TNRC6B: variants seen among roughly 807,000 people sequenced by gnomAD.
The protein encoded by TNRC6B is trinucleotide repeat containing adaptor 6B.
A neutral mutation model predicts 203.6 loss-of-function variants in TNRC6B; 52 were observed. The observed-to-expected ratio is 0.26, with a 90% CI of 0.20 to 0.32. TNRC6B has a LOEUF of 0.32. TNRC6B is among the 10% of genes least tolerant of loss of function. TNRC6B has a pLI of 1.00. For missense variants in TNRC6B, 1,923 were observed against 2,286.2 expected, an observed-to-expected ratio of 0.84 and a Z score of 3.24; for synonymous variants, 838 against 845.7, an observed-to-expected ratio of 0.99 and a Z score of 0.16.
At chr22:40,180,363 C>T (rs1226272669) in intron 1 of TNRC6B, among the ~76,000 whole-genome samples, 1 of 152,108 alleles carries the variant, frequency 6.6e-6, no homozygotes, top group African/African-American at 2.4e-5. Context: ...ATATGAATGG[C>T]AGGTTAATTC....
At position 40,268,319 on chromosome 22, in the gene TNRC6B, C is replaced by T. The variant is rs557021672; in HGVS notation, c.2806+1283C>T. Among the ~76,000 whole-genome samples, 5 of 152,228 alleles carry T rather than the reference C, an allele frequency of 3.3e-5. No homozygotes were observed. In the East Asian group the frequency reaches 9.7e-4, roughly 29 times the overall value. Reference sequence around the variant, plus strand: ...CAGGGTGGTCTCAGACTCCTGACCTCAGGTGATCCACCCGCCTCAGTCTAC... The same window carrying T: ...CAGGGTGGTCTCAGACTCCTGACCTTAGGTGATCCACCCGCCTCAGTCTAC... On this transcript the variant is annotated intron_variant, in intron 5 of 22. Transcript: ENST00000454349.
At position 40,324,833 on chromosome 22, in the gene TNRC6B, T is replaced by C. The variant is rs1237832608; in HGVS notation, c.*1592T>C. ...TGACCTCTTCCCCCCACCTTGTAAT[T>C]TTGCTTTTTTAATTTCGGTATTTAA... is the stretch of plus-strand genomic sequence containing the variant. On this transcript the variant is annotated 3_prime_UTR_variant, in exon 23 of 23. Coordinates refer to ENST00000454349, the MANE Select transcript of TNRC6B (RefSeq NM_001162501.2). The C allele has an allele frequency of 6.6e-6, 1 of 152,638 alleles. No individual in the cohort carries two copies. The highest frequency in any genetic ancestry group is 1.9e-4 in the East Asian group (1 of 5,200). 9.5% of individuals were successfully genotyped at this position (152,638 alleles called of 1,614,324 possible). A position where few individuals can be genotyped will look rare whatever the true frequency, so the allele number is the denominator to read the frequency against.
At chr22:40,241,539 TG>T (rs2070028928) in intron 1 of TNRC6B, among the ~76,000 whole-genome samples, 1 of 152,358 alleles carries the variant, frequency 6.6e-6, no homozygotes, top group Non-Finnish European at 1.5e-5. Flanking sequence ...AGTTGTCTGA[TG>T]GTTCCTTTGA....
At position 40,200,046 on chromosome 22, in the gene TNRC6B, G is replaced by A. The variant is rs542169117; in HGVS notation, c.5+21906G>A. Among the ~76,000 whole-genome samples the A allele has an allele frequency of 1.3e-4, 20 of 151,912 alleles. No homozygotes were observed. In the South Asian group the frequency reaches 3.7e-3, roughly 28 times the overall value. On this transcript the variant is annotated intron_variant, in intron 1 of 22. Coordinates refer to ENST00000454349, the MANE Select transcript of TNRC6B (RefSeq NM_001162501.2). The stretch of plus-strand genomic sequence containing the variant: ...ACTCCTGACTTCAAGTGATCCGCCC[G>A]ACTCGGCCTCTCAAAGTGCTGGGTT...
intron 3 of TNRC6B, among the ~76,000 whole-genome samples, chr22:40,133,997 A>C (rs2068576312): frequency 7.3e-6 from 1 of 136,108 alleles, no homozygotes; most frequent in Non-Finnish European, 1.6e-5. Context: ...AAAAAAAAAA[A>C]CAGGTAATAT....
chr22:40,209,759 G>T (rs903859603), intron 1 of TNRC6B, among the ~76,000 whole-genome samples: 1 of 152,118 alleles, frequency 6.6e-6, no homozygotes, highest in African/African-American at 2.4e-5. Flanking sequence ...AGTGGCTCAC[G>T]CCTGTAATCC....
At chr22:40,237,330 T>C (rs1004315664) in intron 1 of TNRC6B, among the ~76,000 whole-genome samples, 3 of 152,172 alleles carry the variant, frequency 2.0e-5, no homozygotes, top group African/African-American at 7.2e-5. Flanking sequence ...CTGAAGGTGC[T>C]GTCTGGGTTG....
intron 20 of TNRC6B, 109 bp downstream of exon 20, chr22:40,315,616 G>T (rs17332320): frequency 0.21 from 261,863 of 1,250,338 alleles, 30,572 homozygotes; most frequent in Admixed American, 0.39. Flanking sequence ...AGTCATGGTT[G>T]TCTGCTTTTT....
chr22:40,228,354 C>T (rs368849130), intron 1 of TNRC6B, among the ~76,000 whole-genome samples: 25 of 151,462 alleles, frequency 1.7e-4, no homozygotes, highest in African/African-American at 4.6e-4. Context: ...CGCTTGAACC[C>T]GGGAGGCGGA....
chr22:40,197,378 G>A (rs949104547), intron 1 of TNRC6B, among the ~76,000 whole-genome samples: 10 of 151,780 alleles, frequency 6.6e-5, no homozygotes, highest in South Asian at 2.1e-4. Flanking sequence ...TCCACCTCCC[G>A]GGTTCAAGCG....
chr22:40,161,409 A>G (rs2068870352), intron 4 of TNRC6B, among the ~76,000 whole-genome samples: 4 of 152,202 alleles, frequency 2.6e-5, no homozygotes, highest in Admixed American at 2.0e-4. Context: ...TCAAGGTCAC[A>G]GAGCAGATTC....
At chr22:40,170,757 ATGTG>A (rs1300913450) in intron 4 of TNRC6B, among the ~76,000 whole-genome samples, 1 of 122,762 alleles carries the variant, frequency 8.1e-6, no homozygotes, top group African/African-American at 3.2e-5. Flanking sequence ...ATGTACATAT[ATGTG>A]TGTATATATA....
intron 3 of TNRC6B, among the ~76,000 whole-genome samples, chr22:40,132,122 C>T (rs1314572913): frequency 6.6e-6 from 1 of 151,950 alleles, no homozygotes; most frequent in Non-Finnish European, 1.5e-5. Context: ...CCGAGGCAGG[C>T]AGATGACTTG....
At position 40,326,506 on chromosome 22, in the gene TNRC6B, A is replaced by G. The variant is rs979788700; in HGVS notation, c.*3265A>G. 6.6e-6 allele frequency: 1 copy of G among 152,594 alleles called. No individual in the cohort carries two copies. The highest frequency in any genetic ancestry group is 2.4e-5 in the African/African-American group (1 of 41,448). The allele number at this position is 152,594 out of a possible 1,614,324, so 9.5% of individuals were successfully genotyped here. On this transcript the variant is annotated 3_prime_UTR_variant, in exon 23 of 23. Coordinates refer to ENST00000454349, the MANE Select transcript of TNRC6B (RefSeq NM_001162501.2). ...TTCTTTTGAAATTGTGTGTAGTTTA[A>G]TGGGAGAGTGTTTGGTGTATATAGA... is the stretch of plus-strand genomic sequence containing the variant.
chr22:40,146,262 T>C (rs1210696909), intron 3 of TNRC6B, among the ~76,000 whole-genome samples: 2 of 152,140 alleles, frequency 1.3e-5, no homozygotes, highest in South Asian at 2.1e-4. Flanking sequence ...GGTAGTGATA[T>C]GTGTGATGCT....
At chr22:40,166,454 A>G (rs1037809277) in intron 4 of TNRC6B, among the ~76,000 whole-genome samples, 1 of 145,372 alleles carries the variant, frequency 6.9e-6, no homozygotes, top group African/African-American at 2.5e-5. Flanking sequence ...TTCGTGCTAT[A>G]CTCTTTGATC....
chr22:40,136,726 A>G (rs993411149), intron 3 of TNRC6B, among the ~76,000 whole-genome samples: 1 of 152,134 alleles, frequency 6.6e-6, no homozygotes, highest in Non-Finnish European at 1.5e-5. Context: ...TTAAATATTT[A>G]TAATAAAACA....
At chr22:40,277,052 G>C (rs1340021615) in intron 7 of TNRC6B, 25 bp from the exon 8 acceptor site, 7 of 1,553,522 alleles carry the variant, frequency 4.5e-6, no homozygotes, top group Non-Finnish European at 6.1e-6. Flanking sequence ...ATTTGGTTCT[G>C]AGGTTCCGTG....
intron 1 of TNRC6B, among the ~76,000 whole-genome samples, chr22:40,235,961 C>A (rs1358731578): frequency 6.6e-6 from 1 of 152,100 alleles, no homozygotes; most frequent in Non-Finnish European, 1.5e-5. Context: ...GTTTGAAGCT[C>A]TCTTTTTTTA....
Sources: gnomAD v4.1 joint callset for allele counts (sites outside exome capture counted in the v4.1 genomes callset) on GRCh38, gnomAD v4.1.1 for gene constraint, MANE v1.5 for transcripts, NCBI Gene and HGNC (gene_info 2026-07-23, HGNC 2026-07-21) for gene names.